Variants in KIAA1217 observed in about 807,000 individuals in gnomAD.
KIAA1217 encodes KIAA1217, also known as sickle tail protein homolog.
KIAA1217 carries 88 observed loss-of-function variants against 163.9 expected under a neutral mutation model. That is an observed-to-expected ratio of 0.54 (90% CI 0.45 to 0.64). The LOEUF is 0.64. KIAA1217 is among the 30% of genes least tolerant of loss of function. The probability of loss-of-function intolerance (pLI) is 0.00; values close to 1 mark genes in which losing one functional copy is unlikely to be tolerated. For synonymous variants in KIAA1217, 903 were observed against 923.1 expected, an observed-to-expected ratio of 0.98 and a Z score of 0.39; for missense variants, 2,372 against 2,475.0, an observed-to-expected ratio of 0.96 and a Z score of 0.88.
chr10:23,769,618 CAA>C (rs973516698), intron 1 of KIAA1217, among the ~76,000 whole-genome samples: 1 of 152,114 alleles, frequency 6.6e-6, no homozygotes, highest in Non-Finnish European at 1.5e-5. Flanking sequence ...CAGGAATGAA[CAA>C]AGACAGCTTA....
rs2066540514 is a variant in KIAA1217 at position 24,494,607 on chromosome 10, A to G, written c.1784+3A>G. Reference sequence around the variant, plus strand: ...AGTTATAGCAAAGATGCGTCTAGGTAAAAAAGAAGAAAGCCAATGAAAAAA... The same window carrying G: ...AGTTATAGCAAAGATGCGTCTAGGTGAAAAAGAAGAAAGCCAATGAAAAAA... On this transcript the variant is annotated splice_donor_region_variant and intron_variant, in intron 7 of 20. Coordinates refer to ENST00000376454, the MANE Select transcript of KIAA1217 (RefSeq NM_019590.5). 3 of 1,561,454 alleles carry G rather than the reference A, an allele frequency of 1.9e-6. No individual in the cohort carries two copies. Among genetic ancestry groups the G allele is most frequent in the Admixed American group, 3.6e-5 (2 of 55,560 alleles).
At chr10:23,903,231 A>G (rs1444398130) in intron 1 of KIAA1217, among the ~76,000 whole-genome samples, 1 of 152,104 alleles carries the variant, frequency 6.6e-6, no homozygotes, top group Non-Finnish European at 1.5e-5. Flanking sequence ...AAACTTACCC[A>G]TGGTGAACTT....
In KIAA1217 at chr10:24,455,211, A is replaced by G. The variant is rs925928423; in HGVS notation, c.846+16732A>G. 4.6e-5 allele frequency among the ~76,000 whole-genome samples: 7 copies of G among 152,248 alleles called. 1 individual carries two copies. Among genetic ancestry groups the G allele is most frequent in the Non-Finnish European group, 1.0e-4 (7 of 68,046 alleles). ...TCACTTTGAGACTAGAGCACAAAAAATGAGTCAGATGTGGAATTTTGATAT... is the reference window on the plus strand; with the variant it reads ...TCACTTTGAGACTAGAGCACAAAAAGTGAGTCAGATGTGGAATTTTGATAT... On this transcript the variant is annotated intron_variant, in intron 5 of 20. Transcript: ENST00000376454.
At chr10:24,415,605 G>C (rs1330695728) in intron 3 of KIAA1217, among the ~76,000 whole-genome samples, 1 of 151,962 alleles carries the variant, frequency 6.6e-6, no homozygotes, top group Non-Finnish European at 1.5e-5. Context: ...AAATGACCTA[G>C]ATCTGAACAT....
At chr10:24,313,843 G>GTTT (rs35876174) in intron 2 of KIAA1217, among the ~76,000 whole-genome samples, 99 of 113,382 alleles carry the variant, frequency 8.7e-4, no homozygotes, top group South Asian at 1.1e-3. Context: ...CCATCTGGTT[G>GTTT]TTTTTTTTTT....
intron 5 of KIAA1217, among the ~76,000 whole-genome samples, chr10:24,440,478 T>G (rs911055120): frequency 3.3e-5 from 5 of 152,196 alleles, no homozygotes; most frequent in Non-Finnish European, 7.3e-5. Context: ...TCTGAGAATC[T>G]TGTTTGTGGC....
At chr10:23,799,802 A>ACCC (rs943815916) in intron 1 of KIAA1217, among the ~76,000 whole-genome samples, 2 of 151,900 alleles carry the variant, frequency 1.3e-5, no homozygotes, top group Non-Finnish European at 2.9e-5. Context: ...GAAATGGAAA[A>ACCC]CCCCAAGGAC....
chr10:23,838,163 A>G (rs1254995142), intron 1 of KIAA1217, among the ~76,000 whole-genome samples: 1 of 152,166 alleles, frequency 6.6e-6, no homozygotes, highest in African/African-American at 2.4e-5. Flanking sequence ...TAAGACTGTG[A>G]TTAATATCAT....
In KIAA1217 at chr10:23,954,478, T is replaced by C. The variant is rs111477939; in HGVS notation, c.-320-52747T>C. ...TGCTCGGGAGGCTAAGGTGGGAGGATTGTTTGAGCCTAGGAGGTTGACGCT... is the reference window on the plus strand; with the variant it reads ...TGCTCGGGAGGCTAAGGTGGGAGGACTGTTTGAGCCTAGGAGGTTGACGCT... On this transcript the variant is annotated intron_variant, in intron 1 of 18. Transcript: ENST00000376462. Among the ~76,000 whole-genome samples the C allele has an allele frequency of 9.2e-3, 1,399 of 151,906 alleles. 27 individuals carry two copies. The highest frequency in any genetic ancestry group is 0.032 in the African/African-American group (1,319 of 41,392).
chr10:24,425,776 C>A (rs960870180), intron 3 of KIAA1217, among the ~76,000 whole-genome samples: 2 of 152,154 alleles, frequency 1.3e-5, no homozygotes, highest in Non-Finnish European at 2.9e-5. Context: ...CACATGTGTA[C>A]TTTGGGGGCT....
At chr10:23,944,877 G>T (rs969164136) in intron 1 of KIAA1217, among the ~76,000 whole-genome samples, 1 of 152,000 alleles carries the variant, frequency 6.6e-6, no homozygotes, top group Non-Finnish European at 1.5e-5. Flanking sequence ...TGGCCAACAT[G>T]GTGAAACCCT....
chr10:23,919,535 G>A (rs764223730), intron 1 of KIAA1217, among the ~76,000 whole-genome samples: 35 of 149,376 alleles, frequency 2.3e-4, no homozygotes, highest in Middle Eastern at 6.8e-3. Context: ...GAGCCCGTGA[G>A]GCAGAGATTG....
intron 2 of KIAA1217, among the ~76,000 whole-genome samples, chr10:24,294,480 G>A (rs2079478609): frequency 6.6e-6 from 1 of 152,202 alleles, no homozygotes; most frequent in Admixed American, 6.5e-5. Context: ...AGGGGCATGT[G>A]TTTGATGTGT....
At chr10:24,330,438 A>G (rs2045524502) in intron 2 of KIAA1217, among the ~76,000 whole-genome samples, 1 of 152,178 alleles carries the variant, frequency 6.6e-6, no homozygotes, top group Non-Finnish European at 1.5e-5. Flanking sequence ...AAGTTTTGGA[A>G]GTAAAATTTT....
intron 2 of KIAA1217, among the ~76,000 whole-genome samples, chr10:24,140,550 G>A (rs997823182): frequency 6.6e-6 from 1 of 152,074 alleles, no homozygotes; most frequent in Non-Finnish European, 1.5e-5. Context: ...GGGTAACTTA[G>A]GGTAGATCCT....
intron 2 of KIAA1217, among the ~76,000 whole-genome samples, chr10:24,373,091 T>G (rs558140708): frequency 6.6e-6 from 1 of 152,198 alleles, no homozygotes; most frequent in Admixed American, 6.5e-5. Context: ...CTGGGACTTA[T>G]AGTGAATTGC....
intron 3 of KIAA1217, among the ~76,000 whole-genome samples, chr10:24,393,066 A>G (rs746023087): frequency 6.6e-6 from 1 of 152,206 alleles, no homozygotes; most frequent in Non-Finnish European, 1.5e-5. Context: ...TTTAAAGAAC[A>G]GTCTAAAAAA....
intron 2 of KIAA1217, among the ~76,000 whole-genome samples, chr10:24,269,931 G>T (rs570611495): frequency 6.6e-6 from 1 of 152,206 alleles, no homozygotes; most frequent in African/African-American, 2.4e-5. Flanking sequence ...CTATGAGAAG[G>T]CCTCTAGTCT....
intron 5 of KIAA1217, among the ~76,000 whole-genome samples, chr10:24,448,800 A>T (rs994719924): frequency 2.6e-5 from 4 of 152,202 alleles, no homozygotes; most frequent in African/African-American, 9.7e-5. Context: ...GCGTTTACTG[A>T]TTCACTCAAT....
Sources: gnomAD v4.1 joint callset for allele counts (sites outside exome capture counted in the v4.1 genomes callset) on GRCh38, gnomAD v4.1.1 for gene constraint, MANE v1.5 for transcripts, NCBI Gene and HGNC (gene_info 2026-07-23, HGNC 2026-07-21) for gene names.